The following CAPN15 variants were observed in gnomAD, a reference collection of about 807,000 sequenced individuals.
The protein encoded by CAPN15 is calpain-15.
Under a neutral mutation model 97.9 loss-of-function variants are expected in CAPN15, and 53 were observed. The ratio of observed to expected loss-of-function variants is 0.54; its 90% CI spans 0.43 to 0.68. The LOEUF (loss-of-function observed/expected upper bound fraction) is 0.68, where lower values mean the gene tolerates loss of function less well. Ranked by LOEUF, CAPN15 falls within the 30% of genes least tolerant of loss-of-function variation. The pLI, the probability that CAPN15 is intolerant of heterozygous loss-of-function variation, is 0.00. For synonymous variants in CAPN15, 922 were observed against 722.5 expected (o/e 1.28, Z -4.43); for missense variants, 1,592 against 1,589.8 (o/e 1.00, Z -0.02).
At position 542,262 on chromosome 16, in the gene CAPN15, C is replaced by T. The variant is rs146687653; in HGVS notation, c.-22-4555C>T. On this transcript the variant is annotated intron_variant, in intron 3 of 13. Coordinates refer to ENST00000219611, the MANE Select transcript of CAPN15 (RefSeq NM_005632.3). Reference sequence around the variant, plus strand: ...TGTGAACATTGTTTACGAGGTTTTGCGTGGACCTGTTTTCATTTATCTTGC... The same window carrying T: ...TGTGAACATTGTTTACGAGGTTTTGTGTGGACCTGTTTTCATTTATCTTGC... Among the ~76,000 whole-genome samples the T allele has an allele frequency of 1.4e-4, 21 of 152,270 alleles. No homozygotes were observed. In the East Asian group the frequency reaches 3.1e-3, roughly 22 times the overall value.
intron 2 of CAPN15, among the ~76,000 whole-genome samples, chr16:534,891 A>G (rs949828397): frequency 5.9e-5 from 9 of 152,016 alleles, no homozygotes; most frequent in Middle Eastern, 3.4e-3. Flanking sequence ...TCTGTGAAAG[A>G]TTGACGGAGA....
At chr16:540,633 G>A (rs2034049106) in intron 3 of CAPN15, among the ~76,000 whole-genome samples, 1 of 152,260 alleles carries the variant, frequency 6.6e-6, no homozygotes, top group African/African-American at 2.4e-5. Context: ...GCTCCACGCA[G>A]AGAAGCTGTT....
intron 1 of CAPN15, among the ~76,000 whole-genome samples, chr16:529,328 G>C (rs1456093005): frequency 1.3e-5 from 2 of 152,152 alleles, no homozygotes; most frequent in African/African-American, 4.8e-5. Flanking sequence ...CTGTAATGCT[G>C]CATCTGTGTG....
At chr16:543,037 T>G (rs375452500) in intron 3 of CAPN15, among the ~76,000 whole-genome samples, 38 of 151,882 alleles carry the variant, frequency 2.5e-4, no homozygotes, top group Middle Eastern at 3.4e-3. Context: ...GGCGACAGAG[T>G]GAGACTCTGT....
At chr16:540,743 C>T (rs1462222667) in intron 3 of CAPN15, among the ~76,000 whole-genome samples, 3 of 152,204 alleles carry the variant, frequency 2.0e-5, no homozygotes. Context: ...CGCTGGGCTC[C>T]GCCTGCTGCC....
At chr16:536,817 C>T (rs113948862) in intron 3 of CAPN15, 12,782 of 152,338 alleles carry the variant, frequency 0.084, 588 homozygotes, top group Middle Eastern at 0.14. Flanking sequence ...CAGCTGCACT[C>T]GGGAAGGCCA....
At chr16:548,361 C>G (rs1184036296) in intron 4 of CAPN15, 74 bp downstream of exon 4, 3 of 1,367,026 alleles carry the variant, frequency 2.2e-6, no homozygotes, top group Non-Finnish European at 2.9e-6. Context: ...GCTTTGGGCT[C>G]TGGCGATGGG....
intron 3 of CAPN15, among the ~76,000 whole-genome samples, chr16:545,642 C>T (rs1005227865): frequency 1.3e-5 from 2 of 152,240 alleles, no homozygotes; most frequent in African/African-American, 2.4e-5. Context: ...CCTGGGGACC[C>T]GGGTTCTCAT....
intron 3 of CAPN15, chr16:540,493 G>A (rs1331480908): frequency 5.7e-6 from 2 of 352,914 alleles, no homozygotes; most frequent in Non-Finnish European, 7.9e-6. Flanking sequence ...TCCAGTTGTG[G>A]CAGCTCTCTT....
At chr16:529,638 G>A (rs995556845) in intron 1 of CAPN15, among the ~76,000 whole-genome samples, 1 of 152,082 alleles carries the variant, frequency 6.6e-6, no homozygotes, top group East Asian at 1.9e-4. Context: ...GTTGGTGGCC[G>A]AGTTGCCCCT....
At chr16:549,955 C>T (rs932700504) in intron 7 of CAPN15, 117 bp downstream of exon 7, 82 of 836,306 alleles carry the variant, frequency 9.8e-5, no homozygotes, top group Admixed American at 5.3e-4. Flanking sequence ...GTGCCCCTGG[C>T]GTGGGCTGAC....
Position 552,365 on chromosome 16 carries a change from G to A in CAPN15, c.2572G>A (p.Gly858Ser), listed in dbSNP as rs201831449. 7.4e-5 allele frequency: 118 copies of A among 1,599,498 alleles called. No homozygotes were observed. In the East Asian group the frequency reaches 1.4e-3, roughly 19 times the overall value. ...LCILVFRATF[G>S]SGGHLSLGRL... Reference sequence around the variant, plus strand: ...CATCCTGGTGTTCCGGGCCACGTTCGGCAGCGGCGGCCACCTCAGCCTGGG... The same window carrying A: ...CATCCTGGTGTTCCGGGCCACGTTCAGCAGCGGCGGCCACCTCAGCCTGGG... Residue 858 changes from glycine to serine, a missense_variant, in exon 11 of 14, where the codon GGC becomes AGC. Physicochemically the swap from Gly to Ser is moderately conservative, Grantham distance 56. This residue lies in a region of CAPN15 where 644 missense variants were observed against 699.6 expected (regional missense o/e 0.92). Coordinates refer to ENST00000219611, the MANE Select transcript of CAPN15 (RefSeq NM_005632.3). This position sits in a 1 kb window ranked among gnomAD's most constrained non-coding sequence, Gnocchi z 6.4.
chr16:540,932 G>A (rs1421442451), intron 3 of CAPN15, among the ~76,000 whole-genome samples: 1 of 152,210 alleles, frequency 6.6e-6, no homozygotes, highest in Admixed American at 6.5e-5. Flanking sequence ...CCCCACCGAT[G>A]CTCCTGCCGT....
At chr16:543,944 G>A (rs994571092) in intron 3 of CAPN15, among the ~76,000 whole-genome samples, 1 of 152,190 alleles carries the variant, frequency 6.6e-6, no homozygotes, top group African/African-American at 2.4e-5. Context: ...TGGTGCACAG[G>A]CTGGTGGAGC....
In CAPN15 at chr16:554,503, T is replaced by C; in HGVS notation, c.*987T>C. The stretch of plus-strand genomic sequence containing the variant: ...TCTGAGCTGTGAATATTTTTAACCC[T>C]GTAAATACGGCCAGCTCTTGTGACA... On this transcript the variant is annotated 3_prime_UTR_variant, in exon 14 of 14. Coordinates refer to ENST00000219611, the MANE Select transcript of CAPN15 (RefSeq NM_005632.3). The C allele has an allele frequency of 2.2e-6, 1 of 455,864 alleles. No individual in the cohort carries two copies. Among genetic ancestry groups the C allele is most frequent in the Non-Finnish European group, 4.4e-6 (1 of 226,742 alleles). The allele number at this position is 455,864 out of a possible 1,614,324, so 28.2% of individuals were successfully genotyped here.
At position 548,619 on chromosome 16, in the gene CAPN15, C is replaced by T. The variant is rs893527631; in HGVS notation, c.1449+332C>T. Among the ~76,000 whole-genome samples, 3 of 152,224 alleles carry T rather than the reference C, an allele frequency of 2.0e-5. No individual in the cohort carries two copies. The East Asian group carries it at 5.8e-4, about 29-fold the overall frequency. Reference sequence around the variant, plus strand: ...GCAGCGTGGAGACCCCGCTGAAGTGCGAGGTCGGGATGTACCCGTGCTCCG... The same window carrying T: ...GCAGCGTGGAGACCCCGCTGAAGTGTGAGGTCGGGATGTACCCGTGCTCCG... On this transcript the variant is annotated intron_variant, in intron 4 of 13. Coordinates refer to ENST00000219611, the MANE Select transcript of CAPN15 (RefSeq NM_005632.3).
At chr16:533,786 G>A (rs1390943608) in intron 1 of CAPN15, among the ~76,000 whole-genome samples, 160 bp from the exon 2 acceptor site, 2 of 152,140 alleles carry the variant, frequency 1.3e-5, no homozygotes, top group African/African-American at 4.8e-5. Context: ...AGACACCCAA[G>A]GACAGAAGCT....
In CAPN15 at chr16:547,982, C is replaced by A. The variant is rs1596349467; in HGVS notation, c.1144C>A (p.Pro382Thr). The change falls in exon 4 of 14, where the codon CCC (proline) becomes ACC (threonine). Residue 382 changes from proline (P) to threonine (T), a missense_variant. Physicochemically the swap from Pro to Thr is conservative, Grantham distance 38. This residue lies in a region of CAPN15 where 883 missense variants were observed against 776.6 expected (regional missense o/e 1.14). Coordinates refer to ENST00000219611, the MANE Select transcript of CAPN15 (RefSeq NM_005632.3). ...GCATGGCGAGCCCCCCACCCACTGCCCCGACTGTGGGGCCGACAAGCCCAG... is the reference window on the plus strand; with the variant it reads ...GCATGGCGAGCCCCCCACCCACTGCACCGACTGTGGGGCCGACAAGCCCAG... ...QEHGEPPTHC[P>T]DCGADKPSPC... is the part of the protein sequence containing the mutation. 1 of 1,583,108 alleles carries A rather than the reference C, an allele frequency of 6.3e-7. No homozygotes were observed. Among genetic ancestry groups the A allele is most frequent in the Admixed American group, 1.8e-5 (1 of 56,842 alleles).
At chr16:548,703 C>T (rs1277332442) in intron 4 of CAPN15, among the ~76,000 whole-genome samples, 1 of 152,266 alleles carries the variant, frequency 6.6e-6, no homozygotes, top group African/African-American at 2.4e-5. Flanking sequence ...CCTGCACCCT[C>T]CCCAGCAGGG....
Sources: allele counts gnomAD v4.1 joint callset (sites outside exome capture counted in the v4.1 genomes callset), GRCh38; gene constraint gnomAD v4.1.1; regional missense constraint gnomAD v4.1.1; non-coding constraint Gnocchi (gnomAD v3.1); transcripts MANE v1.5; gene names NCBI Gene and HGNC (gene_info 2026-07-23, HGNC 2026-07-21).